The following COL4A6 variants were observed in gnomAD, a reference collection of about 807,000 sequenced individuals.
COL4A6 encodes collagen alpha-6(IV) chain.
COL4A6 carries 59 observed loss-of-function variants against 126.7 expected under a neutral mutation model. That is an observed-to-expected ratio of 0.47 (90% CI 0.38 to 0.58). The LOEUF (loss-of-function observed/expected upper bound fraction) is 0.58, where lower values mean the gene tolerates loss of function less well. Among genes scored for constraint, COL4A6 ranks in the 20% least tolerant of loss-of-function variants. The pLI is 0.00. For synonymous variants in COL4A6, 547 were observed against 496.6 expected (o/e 1.10, Z -1.35); for missense variants, 1,285 against 1,337.3 (o/e 0.96, Z 0.61).
intron 2 of COL4A6, 101 bp downstream of exon 2, chrX:108,437,841 G>T (rs2064295577): frequency 1.1e-6 from 1 of 926,986 alleles, no homozygotes; most frequent in African/African-American, 1.9e-5. Flanking sequence ...ACTCCGTCTC[G>T]TGGTGAAACT....
intron 2 of COL4A6, among the ~76,000 whole-genome samples, chrX:108,338,269 C>T (rs970591467): frequency 8.9e-6 from 1 of 112,065 alleles, no homozygotes; most frequent in Admixed American, 9.5e-5. Flanking sequence ...TTTCTTCAAA[C>T]ATCTGATTGC....
chrX:108,338,410 G>C (rs1283131681), intron 2 of COL4A6, among the ~76,000 whole-genome samples: 2 of 111,950 alleles, frequency 1.8e-5, no homozygotes, highest in African/African-American at 6.5e-5. Context: ...GAATAGTCTT[G>C]GGAATGAAGA....
At chrX:108,433,669 G>A (rs1297787456) in intron 2 of COL4A6, among the ~76,000 whole-genome samples, 1 of 110,407 alleles carries the variant, frequency 9.1e-6, no homozygotes, top group Non-Finnish European at 1.9e-5. Context: ...GACTATAGGC[G>A]TGCACCACCA....
Position 108,160,514 on chromosome X carries a change from A to G in COL4A6, c.4474T>C (p.Tyr1492His). 1 of 1,209,958 alleles carries G rather than the reference A, an allele frequency of 8.3e-7. No individual in the cohort carries two copies. The highest frequency in any genetic ancestry group is 1.1e-6 in the Non-Finnish European group (1 of 894,707). The change falls in exon 43 of 45, where the codon TAC becomes CAC. Residue 1492 changes from tyrosine to histidine, a missense_variant. By Grantham distance (83) the Tyr-to-His change is moderately conservative. Coordinates refer to ENST00000334504, the MANE Select transcript of COL4A6 (RefSeq NM_033641.4). Reference sequence around the variant, plus strand: ...TGCCCCTCCACAAACAGTAAGCTGTACCCCACCCACAGCTGGCTCATCCCG... The same window carrying G: ...TGCCCCTCCACAAACAGTAAGCTGTGCCCCACCCACAGCTGGCTCATCCCG... ...PIGMSQLWVG[Y>H]SLLFVEGQEK...
At chrX:108,374,806 G>A (rs2040403400) in intron 2 of COL4A6, among the ~76,000 whole-genome samples, 3 of 112,012 alleles carry the variant, frequency 2.7e-5, no homozygotes, top group Non-Finnish European at 5.6e-5. Flanking sequence ...AAGGGTGTGG[G>A]AGTCAGGGTT....
intron 38 of COL4A6, 105 bp from the exon 39 acceptor site, chrX:108,165,143 G>A: frequency 1.1e-6 from 1 of 911,357 alleles, no homozygotes; most frequent in Non-Finnish European, 1.5e-6. Context: ...CCAGGACAGA[G>A]AATGTTCCCT....
intron 3 of COL4A6, among the ~76,000 whole-genome samples, chrX:108,283,403 G>A (rs368076247): frequency 2.7e-5 from 3 of 111,404 alleles, no homozygotes; most frequent in South Asian, 7.6e-4. Flanking sequence ...CTTTCAAGGC[G>A]ACAACCATAC....
At chrX:108,438,060 C>A in intron 1 of COL4A6, 67 bp from the exon 2 acceptor site, 3 of 1,196,716 alleles carry the variant, frequency 2.5e-6, no homozygotes, top group Non-Finnish European at 3.4e-6. Context: ...GCCTGTCGCC[C>A]CCCGAACCCT....
intron 2 of COL4A6, among the ~76,000 whole-genome samples, chrX:108,425,818 T>C (rs1263003703): frequency 9.0e-6 from 1 of 110,882 alleles, no homozygotes. Flanking sequence ...TCTTCCTTCT[T>C]ACTGACTTTA....
chrX:108,178,790 C>T lies in COL4A6; in HGVS notation c.2409G>A (p.Gly803=), dbSNP rs139372880. ...LGPKGERGSP[G]TPGQVGQPGT... Reference sequence around the variant, plus strand: ...CTGGCTGTCCCACCTGTCCTGGTGTCCCAGGGCTGCCCCGCTCACCTTTGG... The same window carrying T: ...CTGGCTGTCCCACCTGTCCTGGTGTTCCAGGGCTGCCCCGCTCACCTTTGG... The change falls in exon 27 of 45, where the codon GGG becomes GGA. Residue 803 remains glycine, a synonymous_variant. Coordinates refer to ENST00000334504, the MANE Select transcript of COL4A6 (RefSeq NM_033641.4). 2.2e-4 allele frequency: 264 copies of T among 1,209,724 alleles called. 1 individual carries two copies. The African/African-American group carries it at 4.2e-3, about 19-fold the overall frequency.
In COL4A6 at chrX:108,179,319, C is replaced by G; in HGVS notation, c.2251G>C (p.Asp751His). 8.3e-7 allele frequency: 1 copy of G among 1,211,445 alleles called. No homozygotes were observed. The highest frequency in any genetic ancestry group is 1.1e-6 in the Non-Finnish European group (1 of 895,305). Reference sequence around the variant, plus strand: ...GCACCATTTTCAGCACCAAAGATGTCACCAGTGGCTCCCTTGGAACCAGGT... The same window carrying G: ...GCACCATTTTCAGCACCAAAGATGTGACCAGTGGCTCCCTTGGAACCAGGT... ...GLPGSKGATG[D>H]IFGAENGAPG... Residue 751 changes from aspartate to histidine, a missense_variant, in exon 26 of 45, where the codon GAC (aspartate) becomes CAC (histidine). Physicochemically the swap from Asp to His is moderately conservative, Grantham distance 81. Transcript: ENST00000334504.
chrX:108,236,629 G>A (rs767625507), intron 3 of COL4A6, among the ~76,000 whole-genome samples: 10 of 111,374 alleles, frequency 9.0e-5, no homozygotes, highest in African/African-American at 2.6e-4. Context: ...CCTTACTCCC[G>A]TTCCCTGTAA....
chrX:108,366,744 A>T (rs1412377496), intron 2 of COL4A6, among the ~76,000 whole-genome samples: 1 of 111,771 alleles, frequency 8.9e-6, no homozygotes, highest in Non-Finnish European at 1.9e-5. Flanking sequence ...TGCACCTTTT[A>T]TTTATATCTC....
Position 108,180,752 on chromosome X carries a change from C to A in COL4A6, c.2024-130G>T. ...GTCTCACCTCCCCACACTGCCCTCTCCAGCAGCCATCCTGTTTCCTCAATC... is the reference window on the plus strand; with the variant it reads ...GTCTCACCTCCCCACACTGCCCTCTACAGCAGCCATCCTGTTTCCTCAATC... On this transcript the variant is annotated intron_variant, in intron 24 of 44. Coordinates refer to ENST00000334504, the MANE Select transcript of COL4A6 (RefSeq NM_033641.4). The A allele has an allele frequency of 5.0e-6, 4 of 794,523 alleles. No homozygotes were observed. The South Asian group carries it at 9.2e-5, about 18-fold the overall frequency. The allele number at this position is 794,523 out of a possible 1,213,427, so 65.5% of individuals were successfully genotyped here. A position where few individuals can be genotyped will look rare whatever the true frequency, so the allele number is the denominator to read the frequency against.
Position 108,388,422 on chromosome X carries a change from C to G in COL4A6, c.63+49520G>C, listed in dbSNP as rs543787196. ...GTTATTCGTTTATTCAGGGATTTGA[C>G]TTCTTCCTGGTTTAGTCTTGGGAGG... On this transcript the variant is annotated intron_variant, in intron 2 of 44. Transcript: ENST00000334504. Among the ~76,000 whole-genome samples, 4 of 111,978 alleles carry G rather than the reference C, an allele frequency of 3.6e-5. No individual in the cohort carries two copies. The South Asian group carries it at 1.5e-3, about 42-fold the overall frequency.
Position 108,183,682 on chromosome X carries a change from G to A in COL4A6, c.1952-2714C>T, listed in dbSNP as rs762784116. On this transcript the variant is annotated intron_variant, in intron 23 of 44. Coordinates refer to ENST00000334504, the MANE Select transcript of COL4A6 (RefSeq NM_033641.4). Reference sequence around the variant, plus strand: ...AAACAAAAAAGGGGTGTTTAGCTAAGACTAGTGTCTGAGAGCTTGTAGACC... The same window carrying A: ...AAACAAAAAAGGGGTGTTTAGCTAAAACTAGTGTCTGAGAGCTTGTAGACC... The A allele has an allele frequency of 2.6e-5, 23 of 885,907 alleles. No individual in the cohort carries two copies. In the East Asian group the frequency reaches 9.2e-4, roughly 36 times the overall value. The allele number at this position is 885,907 out of a possible 1,213,427, so 73.0% of individuals were successfully genotyped here.
intron 2 of COL4A6, among the ~76,000 whole-genome samples, chrX:108,400,669 C>CATGT (rs904924656): frequency 5.4e-5 from 6 of 110,297 alleles, no homozygotes; most frequent in Non-Finnish European, 9.5e-5. Flanking sequence ...GAAAAAGGCC[C>CATGT]ATGTATGTAT....
chrX:108,221,498 G>A lies in COL4A6; in HGVS notation c.145-124C>T, dbSNP rs149101708. ...ATAATTTTGGCTAAGAGATCTGTGAGGCACGCCAAAGTTCCAGACACGGAT... is the reference window on the plus strand; with the variant it reads ...ATAATTTTGGCTAAGAGATCTGTGAAGCACGCCAAAGTTCCAGACACGGAT... On this transcript the variant is annotated intron_variant, in intron 3 of 44. Transcript: ENST00000334504. 9.0e-4 allele frequency: 703 copies of A among 780,026 alleles called. 9 individuals carry two copies. In the East Asian group the frequency reaches 0.021, roughly 23 times the overall value. 64.3% of individuals were successfully genotyped at this position (780,026 alleles called of 1,213,427 possible).
chrX:108,293,961 G>A (rs777765480), intron 3 of COL4A6, among the ~76,000 whole-genome samples: 22 of 112,039 alleles, frequency 2.0e-4, no homozygotes, highest in Non-Finnish European at 3.6e-4. Flanking sequence ...GTTGATTCTA[G>A]GCCATATAAC....
Sources: gnomAD v4.1 joint callset for allele counts (sites outside exome capture counted in the v4.1 genomes callset) on GRCh38, gnomAD v4.1.1 for gene constraint, MANE v1.5 for transcripts, NCBI Gene and HGNC (gene_info 2026-07-23, HGNC 2026-07-21) for gene names.